Variants in SYN3 observed in about 807,000 individuals in gnomAD.
The protein encoded by SYN3 is synapsin III, also known as synapsin-3.
A neutral mutation model predicts 65.8 loss-of-function variants in SYN3; 35 were observed. That is an observed-to-expected ratio of 0.53 (90% confidence interval 0.41 to 0.70). The LOEUF (loss-of-function observed/expected upper bound fraction) is 0.70, where lower values mean the gene tolerates loss of function less well. SYN3 is among the 30% of genes least tolerant of loss of function. The pLI is 0.00. For missense variants in SYN3, 680 were observed against 749.0 expected (o/e 0.91, Z 1.08); for synonymous variants, 270 against 292.9 (o/e 0.92, Z 0.80).
intron 4 of SYN3, among the ~76,000 whole-genome samples, chr22:32,912,997 G>A (rs541875777): frequency 2.0e-5 from 3 of 152,242 alleles, no homozygotes; most frequent in South Asian, 4.2e-4. Context: ...GACTTTGGAC[G>A]ACGATGGTGT....
chr22:32,532,983 G>C (rs563132465), intron 10 of SYN3, among the ~76,000 whole-genome samples: 1 of 151,912 alleles, frequency 6.6e-6, no homozygotes, highest in South Asian at 2.1e-4. Flanking sequence ...GGAGTGGGGG[G>C]GCAGGGAAGA....
intron 1 of SYN3, among the ~76,000 whole-genome samples, chr22:33,034,663 C>T (rs183688894): frequency 3.3e-5 from 5 of 152,212 alleles, no homozygotes; most frequent in East Asian, 1.9e-4. Context: ...AAGCACTGAG[C>T]GAATTACAAG....
At chr22:32,894,194 GGA>G (rs2049527104) in intron 4 of SYN3, among the ~76,000 whole-genome samples, 1 of 111,522 alleles carries the variant, frequency 9.0e-6, no homozygotes, top group Non-Finnish European at 2.2e-5. Context: ...AACAGAAATT[GGA>G]GAACTGTGGA....
At chr22:32,517,033 G>A (rs1236534596) in intron 13 of SYN3, among the ~76,000 whole-genome samples, 1 of 152,170 alleles carries the variant, frequency 6.6e-6, no homozygotes, top group African/African-American at 2.4e-5. Context: ...ACCAAGAGAT[G>A]GGCCTGAGAG....
At chr22:32,638,569 T>C (rs1331472957) in intron 6 of SYN3, among the ~76,000 whole-genome samples, 1 of 152,248 alleles carries the variant, frequency 6.6e-6, no homozygotes, top group Non-Finnish European at 1.5e-5. Flanking sequence ...TTAGTGATGA[T>C]GAGCAGTTTT....
chr22:33,020,764 CT>C (rs1455647804), intron 1 of SYN3, among the ~76,000 whole-genome samples: 1 of 152,006 alleles, frequency 6.6e-6, no homozygotes, highest in Non-Finnish European at 1.5e-5. Context: ...CACTCTGGTG[CT>C]GGACACAGGT....
At chr22:32,538,195 G>C in intron 8 of SYN3, 85 bp from the exon 9 acceptor site, 1 of 1,238,632 alleles carries the variant, frequency 8.1e-7, no homozygotes, top group South Asian at 1.2e-5. Flanking sequence ...CTGTTAGGAG[G>C]CTCTGATTCA....
chr22:32,710,099 A>ACATG (rs1555931598), intron 6 of SYN3, among the ~76,000 whole-genome samples: 83 of 65,622 alleles, frequency 1.3e-3, no homozygotes, highest in Non-Finnish European at 1.8e-3. Context: ...ACACACACAC[A>ACATG]TGTGTGTGTG....
intron 4 of SYN3, among the ~76,000 whole-genome samples, chr22:32,923,521 T>A (rs1364169060): frequency 6.6e-6 from 1 of 152,212 alleles, no homozygotes; most frequent in Non-Finnish European, 1.5e-5. Flanking sequence ...TTGGTCACAA[T>A]GCATACTGGA....
chr22:33,049,159 G>C (rs2054118644), intron 1 of SYN3, among the ~76,000 whole-genome samples: 1 of 152,192 alleles, frequency 6.6e-6, no homozygotes, highest in African/African-American at 2.4e-5. Flanking sequence ...TAAAAAATGA[G>C]TAAGACACAG....
chr22:32,965,614 T>C (rs1262927288), intron 3 of SYN3, among the ~76,000 whole-genome samples: 2 of 151,098 alleles, frequency 1.3e-5, no homozygotes, highest in African/African-American at 2.4e-5. Context: ...GAGAGACAGA[T>C]AGATAATATG....
intron 6 of SYN3, among the ~76,000 whole-genome samples, chr22:32,753,539 GAGA>G (rs1352100639): frequency 1.4e-4 from 21 of 152,188 alleles, no homozygotes; most frequent in African/African-American, 4.8e-4. Flanking sequence ...TAGCCCACCA[GAGA>G]CCTTCACTGG....
intron 6 of SYN3, among the ~76,000 whole-genome samples, chr22:32,799,140 A>C (rs1261336630): frequency 1.3e-5 from 2 of 152,178 alleles, no homozygotes; most frequent in Non-Finnish European, 2.9e-5. Flanking sequence ...CCCTAGCAGG[A>C]GGACTCCCCT....
chr22:32,526,422 A>T (rs130454), intron 12 of SYN3, among the ~76,000 whole-genome samples: 1 of 151,944 alleles, frequency 6.6e-6, no homozygotes, highest in South Asian at 2.1e-4. Flanking sequence ...TTTTTTTCAC[A>T]AAGTAATGAA....
intron 4 of SYN3, among the ~76,000 whole-genome samples, chr22:32,907,681 T>C (rs2049939186): frequency 6.6e-6 from 1 of 152,180 alleles, no homozygotes. Flanking sequence ...CCTGTTTCTG[T>C]AAATAGTTTT....
At chr22:32,954,012 G>A (rs922302878) in intron 3 of SYN3, among the ~76,000 whole-genome samples, 1 of 152,108 alleles carries the variant, frequency 6.6e-6, no homozygotes, top group African/African-American at 2.4e-5. Flanking sequence ...TCTGGTGACT[G>A]GAGGCCAGAG....
At chr22:32,537,927 G>A (rs2058192045) in intron 9 of SYN3, 109 bp downstream of exon 9, 2 of 903,600 alleles carry the variant, frequency 2.2e-6, no homozygotes, top group South Asian at 1.4e-5. Flanking sequence ...TGGATGGTGA[G>A]GCACTGGACG....
At chr22:32,666,818 C>A (rs943394675) in intron 6 of SYN3, among the ~76,000 whole-genome samples, 3 of 152,194 alleles carry the variant, frequency 2.0e-5, no homozygotes, top group Non-Finnish European at 4.4e-5. Flanking sequence ...AATATCTAAG[C>A]CTGCCTTGCG....
chr22:32,690,865 C>T (rs2060652539), intron 6 of SYN3, among the ~76,000 whole-genome samples: 1 of 152,184 alleles, frequency 6.6e-6, no homozygotes, highest in Non-Finnish European at 1.5e-5. Context: ...CATGAGCCTG[C>T]CCCCTGCAAA....
Sources: allele counts gnomAD v4.1 joint callset (sites outside exome capture counted in the v4.1 genomes callset), GRCh38; gene constraint gnomAD v4.1.1; transcripts MANE v1.5; gene names NCBI Gene and HGNC (gene_info 2026-07-23, HGNC 2026-07-21).